PPRC1: variants seen among roughly 807,000 people sequenced by gnomAD.
PPRC1 encodes PPARG related coactivator 1, also known as peroxisome proliferator-activated receptor gamma coactivator-related protein 1.
Under a neutral mutation model 132.5 loss-of-function variants are expected in PPRC1, and 23 were observed. The ratio of observed to expected loss-of-function variants is 0.17; its 90% CI spans 0.12 to 0.25. PPRC1 has a LOEUF of 0.25. PPRC1 is among the 10% of genes least tolerant of loss of function. The pLI is 1.00. For synonymous variants in PPRC1, 872 were observed against 833.5 expected (o/e 1.05, Z -0.80); for missense variants, 2,006 against 2,089.1 (o/e 0.96, Z 0.78).
rs2068967440 is a variant in PPRC1, at chr10:102,141,328, A to T, written c.2820A>T (p.Pro940=). 2 of 1,611,298 alleles carry T rather than the reference A, an allele frequency of 1.2e-6. No individual in the cohort carries two copies. Among genetic ancestry groups the T allele is most frequent in the African/African-American group, 2.7e-5 (2 of 73,922 alleles). Residue 940 remains proline, a synonymous_variant, in exon 5 of 14, where the codon CCA becomes CCT. Coordinates refer to ENST00000278070, the MANE Select transcript of PPRC1 (RefSeq NM_015062.5). ...SPSGYPCLPP[P]PTVPLVSGTP... ...CTGGCTATCCTTGCCTGCCCCCCCC[A>T]CCAACGGTGCCCCTAGTGTCTGGTA...
At chr10:102,149,394 C>G (rs1002088985) in intron 13 of PPRC1, 65 bp downstream of exon 13, 2 of 1,478,762 alleles carry the variant, frequency 1.4e-6, no homozygotes, top group Non-Finnish European at 1.8e-6. Flanking sequence ...GTTCCTAACC[C>G]TTTGTGAGTG....
intron 2 of PPRC1, 72 bp downstream of exon 2, chr10:102,138,110 C>G (rs550785998): frequency 9.5e-6 from 14 of 1,470,890 alleles, no homozygotes; most frequent in Admixed American, 2.1e-5. Flanking sequence ...AAATTCTTGG[C>G]ATGGCTCTGC....
intron 9 of PPRC1, 43 bp downstream of exon 9, chr10:102,147,435 T>C: frequency 6.5e-7 from 1 of 1,548,030 alleles, no homozygotes; most frequent in Non-Finnish European, 8.7e-7. Context: ...TTTAGGAAGT[T>C]CACGTACTTC....
intron 8 of PPRC1, 39 bp downstream of exon 8, chr10:102,145,129 A>G (rs755962718): frequency 1.8e-5 from 28 of 1,550,692 alleles, no homozygotes; most frequent in South Asian, 4.5e-5. Context: ...TGATTAGTCT[A>G]TGCAGCAACA....
Position 102,140,425 on chromosome 10 carries a change from A to G in PPRC1, c.1917A>G (p.Ser639=). 1 of 1,614,170 alleles carries G rather than the reference A, an allele frequency of 6.2e-7. No homozygotes were observed. Among genetic ancestry groups the G allele is most frequent in the Non-Finnish European group, 8.5e-7 (1 of 1,180,012 alleles). ...TGATCAACCCAGTCCTGGCTGACTC[A>G]GCAGCAGTTGACCCTGCAGTGGTTC... is the stretch of plus-strand genomic sequence containing the variant. ...PVLINPVLAD[S]AAVDPAVVPI... The change falls in exon 5 of 14, where the codon TCA becomes TCG. Residue 639 remains serine (S), a synonymous_variant. Transcript: ENST00000278070.
rs781652056 is a variant in PPRC1, at chr10:102,141,785, G to C, written c.3277G>C (p.Glu1093Gln). The C allele has an allele frequency of 6.2e-6, 10 of 1,613,714 alleles. No homozygotes were observed. The highest frequency in any genetic ancestry group is 8.5e-6 in the Non-Finnish European group (10 of 1,179,872). The change falls in exon 5 of 14, where the codon GAG becomes CAG. Residue 1093 changes from glutamate (E) to glutamine (Q), a missense_variant. By Grantham distance (29) the Glu-to-Gln change is conservative. This residue lies in a region of PPRC1 where 1,914 missense variants were observed against 1,917.2 expected (regional missense o/e 1.00). Coordinates refer to ENST00000278070, the MANE Select transcript of PPRC1 (RefSeq NM_015062.5). ...ACVSAEGVTV[E>Q]EPASERLKPE... ...TGTGTCTGCTGAAGGTGTGACTGTT[G>C]AGGAGCCTGCATCAGAGAGGCTAAA...
rs1399624681 is a variant in PPRC1, at chr10:102,140,480, G to A, written c.1972G>A (p.Ala658Thr). Residue 658 changes from alanine to threonine, a missense_variant, in exon 5 of 14, where the codon GCT becomes ACT. Coordinates refer to ENST00000278070, the MANE Select transcript of PPRC1 (RefSeq NM_015062.5). ...CTCAGATAACTTGCCACCAGTTGATGCTGTCCCGTCTGGCCCAGCACCAGT... is the reference window on the plus strand; with the variant it reads ...CTCAGATAACTTGCCACCAGTTGATACTGTCCCGTCTGGCCCAGCACCAGT... The part of the protein sequence containing the change: ...PISDNLPPVD[A>T]VPSGPAPVDL... 1 of 1,614,146 alleles carries A rather than the reference G, an allele frequency of 6.2e-7. No homozygotes were observed. Among genetic ancestry groups the A allele is most frequent in the Non-Finnish European group, 8.5e-7 (1 of 1,180,016 alleles).
In PPRC1 at chr10:102,149,251, CG is replaced by C; in HGVS notation, c.4815del (p.Gln1606ArgfsTer37). On this transcript the variant is annotated frameshift_variant, in exon 13 of 14. Coordinates refer to ENST00000278070, the MANE Select transcript of PPRC1 (RefSeq NM_015062.5). LOFTEE classifies it high-confidence loss of function. ...AGCCATTGAGAGTGGCCACAAGCTG[CG>C]GCAGGCAGATGAGCAGCCCTTTGAT... ...FAAIESGHKL[R>X]QADEQPFDLC... The C allele has an allele frequency of 6.2e-7, 1 of 1,612,450 alleles. No homozygotes were observed. The highest frequency in any genetic ancestry group is 8.5e-7 in the Non-Finnish European group (1 of 1,179,168).
the PPRC1 span, chr10:102,120,385 G>A: frequency 2.0e-6 from 2 of 984,342 alleles, no homozygotes; most frequent in Non-Finnish European, 2.4e-6. Context: ...GTGTGCGTGT[G>A]TGCGCGTGTG....
At chr10:102,144,444 C>T (rs1380542917) in intron 7 of PPRC1, 137 bp downstream of exon 7, 1 of 785,962 alleles carries the variant, frequency 1.3e-6, no homozygotes, top group Non-Finnish European at 2.0e-6. Flanking sequence ...TTCCCCACCC[C>T]TTACTCTGCC....
chr10:102,142,233 G>A (rs997666827), intron 5 of PPRC1, among the ~76,000 whole-genome samples: 1 of 151,600 alleles, frequency 6.6e-6, no homozygotes, highest in Non-Finnish European at 1.5e-5. Flanking sequence ...CTCCCAAGTA[G>A]CTGGGACTAC....
rs752004219 is a variant in PPRC1, at chr10:102,140,222, A to G, written c.1714A>G (p.Thr572Ala). ...CACTATCCAAACCAATCCTATACCA[A>G]CCCATCTCTCATTGGTCGACTCTGC... is the stretch of plus-strand genomic sequence containing the variant. ...ADTIQTNPIP[T>A]HLSLVDSAQA... Residue 572 changes from threonine (T) to alanine (A), a missense_variant, in exon 5 of 14, where the codon ACC (threonine) becomes GCC (alanine). Around this residue, in one of 2 missense-constraint regions of PPRC1, gnomAD observed 1,914 missense variants for 1,917.2 expected, o/e 1.00. Coordinates refer to ENST00000278070, the MANE Select transcript of PPRC1 (RefSeq NM_015062.5). 4.3e-6 allele frequency: 7 copies of G among 1,613,664 alleles called. No homozygotes were observed. In the East Asian group the frequency reaches 8.9e-5, roughly 21 times the overall value.
upstream of PPRC1, among the ~76,000 whole-genome samples, chr10:102,130,738 A>G (rs1379765762): frequency 6.6e-6 from 1 of 152,038 alleles, no homozygotes; most frequent in Non-Finnish European, 1.5e-5. Context: ...TCCATCTCAC[A>G]CACAAAAAAC....
chr10:102,119,988 A>T, the PPRC1 span: 1 of 953,550 alleles, frequency 1.0e-6, no homozygotes, highest in Non-Finnish European at 1.5e-6. Context: ...CCCCCATGCC[A>T]TCGACGCCCC....
chr10:102,148,500 G>A lies in PPRC1; in HGVS notation c.4529G>A (p.Arg1510Gln), dbSNP rs375531897. Residue 1510 changes from arginine to glutamine, a missense_variant, in exon 10 of 14, where the codon CGG (arginine) becomes CAG (glutamine). Physicochemically the swap from Arg to Gln is conservative, Grantham distance 43. Around this residue, in one of 2 missense-constraint regions of PPRC1, gnomAD observed 1,914 missense variants for 1,917.2 expected, o/e 1.00. Coordinates refer to ENST00000278070, the MANE Select transcript of PPRC1 (RefSeq NM_015062.5). The surrounding 1 kb of genome is among the most constrained non-coding windows in gnomAD (Gnocchi z 4.2). ...CGCTCACGATCCCCATCCCCCCGCC[G>A]GAGAAGTGACAGGAGGCGGCGGTGA... ...RSRSRSPSPR[R>Q]RSDRRRRYSS... is the part of the protein sequence containing the mutation. 4.3e-5 allele frequency: 70 copies of A among 1,613,368 alleles called. No homozygotes were observed. The highest frequency in any genetic ancestry group is 5.4e-5 in the Non-Finnish European group (64 of 1,179,416).
chr10:102,126,920 A>G, the PPRC1 span, among the ~76,000 whole-genome samples: 1 of 151,386 alleles, frequency 6.6e-6, no homozygotes, highest in African/African-American at 2.4e-5. Context: ...TTCTCAAAGT[A>G]TGTAAGAAAT....
At chr10:102,143,573 T>C (rs949382934) in intron 6 of PPRC1, among the ~76,000 whole-genome samples, 1 of 135,894 alleles carries the variant, frequency 7.4e-6, no homozygotes, top group Admixed American at 8.4e-5. Context: ...CACTCTAGCC[T>C]GGGCCACAGG....
At chr10:102,125,418 C>T in the PPRC1 span, among the ~76,000 whole-genome samples, 1 of 152,066 alleles carries the variant, frequency 6.6e-6, no homozygotes, top group South Asian at 2.1e-4. Flanking sequence ...GCCACCACAC[C>T]TGGCCAAATC....
upstream of PPRC1, chr10:102,132,865 G>C (rs1005846304): frequency 1.5e-6 from 1 of 651,932 alleles, no homozygotes; most frequent in Non-Finnish European, 2.2e-6. Context: ...AGTGCCAAAC[G>C]GTCCCCACTT....
Sources: gnomAD v4.1 joint callset for allele counts (sites outside exome capture counted in the v4.1 genomes callset) on GRCh38, gnomAD v4.1.1 for gene constraint, gnomAD v4.1.1 regional missense constraint, Gnocchi (gnomAD v3.1) non-coding constraint, MANE v1.5 for transcripts, NCBI Gene and HGNC (gene_info 2026-07-23, HGNC 2026-07-21) for gene names.